The following PTGS1 variants were observed in gnomAD, a reference collection of about 807,000 sequenced individuals.
The protein encoded by PTGS1 is prostaglandin G/H synthase 1.
Under a neutral mutation model 63.0 loss-of-function variants are expected in PTGS1, and 40 were observed. The observed-to-expected ratio is 0.63, with a 90% CI of 0.49 to 0.83. PTGS1 has a LOEUF of 0.83. PTGS1 is among the 40% of genes least tolerant of loss of function. The probability of loss-of-function intolerance (pLI) is 0.00; values close to 1 mark genes in which losing one functional copy is unlikely to be tolerated. For missense variants in PTGS1, 709 were observed against 786.5 expected (o/e 0.90, Z 1.18); for synonymous variants, 298 against 301.9 (o/e 0.99, Z 0.13).
chr9:122,380,414 A>G (rs1400638596), intron 5 of PTGS1, among the ~76,000 whole-genome samples: 3 of 152,086 alleles, frequency 2.0e-5, no homozygotes, highest in Non-Finnish European at 4.4e-5. Flanking sequence ...GTAGTGAGCC[A>G]TAATTGCGGC....
Position 122,392,157 on chromosome 9 carries a change from T to C in PTGS1, c.1445-32T>C. 6 of 1,541,102 alleles carry C rather than the reference T, an allele frequency of 3.9e-6. 1 individual carries two copies. In the Middle Eastern group the frequency reaches 7.0e-4, roughly 179 times the overall value. ...GTTGACCTTAATGGCATCATGGATC[T>C]GATGCTAGCATTTCCCCTTATCTCC... is the stretch of plus-strand genomic sequence containing the variant. On this transcript the variant is annotated intron_variant, in intron 10 of 10. Coordinates refer to ENST00000362012, the MANE Select transcript of PTGS1 (RefSeq NM_000962.4).
At chr9:122,376,417 G>A (rs889804108) in intron 2 of PTGS1, among the ~76,000 whole-genome samples, 4 of 151,202 alleles carry the variant, frequency 2.6e-5, no homozygotes, top group Admixed American at 2.6e-4. Context: ...CGTCTTCGAA[G>A]TGGGGACCAA....
intron 7 of PTGS1, among the ~76,000 whole-genome samples, chr9:122,382,819 C>A (rs1837604234): frequency 6.6e-6 from 1 of 152,180 alleles, no homozygotes; most frequent in Admixed American, 6.5e-5. Context: ...TAGCTGCCAC[C>A]AAGGAGAAGC....
At chr9:122,378,399 G>A in intron 3 of PTGS1, 34 bp from the exon 4 acceptor site, 1 of 1,610,620 alleles carries the variant, frequency 6.2e-7, no homozygotes, top group Non-Finnish European at 8.5e-7. Context: ...TCTGGTAGGA[G>A]GGACCAACTG....
In PTGS1 at chr9:122,381,266, C is replaced by G; in HGVS notation, c.497-105C>G. The stretch of plus-strand genomic sequence containing the variant: ...TGGGGAGGTGGTCCTGAGGAGGCCA[C>G]TCTGGGCTTCCTGCTTGGGCCAGTT... On this transcript the variant is annotated intron_variant, in intron 5 of 10. Coordinates refer to ENST00000362012, the MANE Select transcript of PTGS1 (RefSeq NM_000962.4). 3.9e-6 allele frequency: 5 copies of G among 1,276,368 alleles called. No individual in the cohort carries two copies. The South Asian group carries it at 6.0e-5, about 15-fold the overall frequency. 79.1% of individuals were successfully genotyped at this position (1,276,368 alleles called of 1,614,324 possible).
intron 7 of PTGS1, among the ~76,000 whole-genome samples, chr9:122,383,113 A>G (rs1224657749): frequency 6.6e-6 from 1 of 151,298 alleles, no homozygotes; most frequent in African/African-American, 2.4e-5. Flanking sequence ...AAGGAATTCT[A>G]CTTTCTGCCA....
intron 9 of PTGS1, among the ~76,000 whole-genome samples, chr9:122,388,518 G>A (rs1019899174): frequency 6.6e-6 from 1 of 152,074 alleles, no homozygotes; most frequent in Non-Finnish European, 1.5e-5. Flanking sequence ...TTACATATGC[G>A]GGAACTCAAA....
intron 7 of PTGS1, among the ~76,000 whole-genome samples, chr9:122,382,902 A>T (rs1280772871): frequency 6.6e-6 from 1 of 152,242 alleles, no homozygotes; most frequent in Non-Finnish European, 1.5e-5. Flanking sequence ...CCAGAGTTGC[A>T]TAAAGGATGA....
At chr9:122,381,874 C>A in intron 7 of PTGS1, 127 bp downstream of exon 7, 1 of 951,646 alleles carries the variant, frequency 1.1e-6, no homozygotes, top group Non-Finnish European at 1.6e-6. Context: ...GAAGCTTGTG[C>A]CAGGAGCGAC....
chr9:122,389,460 G>A (rs1838071910), intron 9 of PTGS1, among the ~76,000 whole-genome samples: 1 of 152,172 alleles, frequency 6.6e-6, no homozygotes, highest in Non-Finnish European at 1.5e-5. Context: ...CAGCACCAGA[G>A]CTTTCTTTAG....
chr9:122,376,352 G>A (rs1357575741), intron 2 of PTGS1, among the ~76,000 whole-genome samples: 1 of 138,414 alleles, frequency 7.2e-6, no homozygotes, highest in Non-Finnish European at 1.5e-5. Flanking sequence ...GCTTGTGTGT[G>A]TGTGTGTGTG....
chr9:122,378,343 G>GTA, intron 3 of PTGS1, 90 bp from the exon 4 acceptor site: 1 of 1,563,382 alleles, frequency 6.4e-7, no homozygotes, highest in Non-Finnish European at 8.7e-7. Flanking sequence ...GTTCCACCCT[G>GTA]GCCCTTGTCC....
chr9:122,373,068 G>A (rs762943969), intron 2 of PTGS1, among the ~76,000 whole-genome samples: 1 of 152,182 alleles, frequency 6.6e-6, no homozygotes, highest in Non-Finnish European at 1.5e-5. Flanking sequence ...ATTGAGGGAG[G>A]CTTCTTGGAT....
intron 5 of PTGS1, among the ~76,000 whole-genome samples, chr9:122,380,490 TA>T (rs1334763829): frequency 2.6e-5 from 4 of 151,178 alleles, no homozygotes; most frequent in African/African-American, 9.7e-5. Flanking sequence ...AATAAATAAA[TA>T]AATAAATAAA....
In PTGS1 at chr9:122,394,884, T is replaced by G. The variant is rs569628943; in HGVS notation, c.*2340T>G. Reference sequence around the variant, plus strand: ...CTATTCCAGGAATTCCTCTTTTGCTTAAATCAGTTGGAGTTTGTGTCTGTT... The same window carrying G: ...CTATTCCAGGAATTCCTCTTTTGCTGAAATCAGTTGGAGTTTGTGTCTGTT... On this transcript the variant is annotated 3_prime_UTR_variant, in exon 11 of 11. Transcript: ENST00000362012. 6.6e-6 allele frequency: 1 copy of G among 152,428 alleles called. No homozygotes were observed. Among genetic ancestry groups the G allele is most frequent in the Admixed American group, 6.5e-5 (1 of 15,310 alleles). 9.4% of individuals were successfully genotyped at this position (152,428 alleles called of 1,614,324 possible). A position where few individuals can be genotyped will look rare whatever the true frequency, so the allele number is the denominator to read the frequency against.
At chr9:122,390,004 A>AGG (rs1838107530) in intron 9 of PTGS1, among the ~76,000 whole-genome samples, 194 bp from the exon 10 acceptor site, 2 of 152,156 alleles carry the variant, frequency 1.3e-5, no homozygotes, top group African/African-American at 4.8e-5. Context: ...TGAGACTCAG[A>AGG]GGGGCTTCCT....
Position 122,383,708 on chromosome 9 carries a change from C to T in PTGS1, c.962C>T (p.Thr321Ile), listed in dbSNP as rs780314550. The T allele has an allele frequency of 1.9e-6, 3 of 1,613,670 alleles. No individual in the cohort carries two copies. The highest frequency in any genetic ancestry group is 1.7e-5 in the Admixed American group (1 of 59,992). The change falls in exon 8 of 11, where the codon ACC (threonine) becomes ATC (isoleucine). Residue 321 changes from threonine to isoleucine, a missense_variant. By Grantham distance (89) the Thr-to-Ile change is moderately conservative. Coordinates refer to ENST00000362012, the MANE Select transcript of PTGS1 (RefSeq NM_000962.4). The stretch of plus-strand genomic sequence containing the variant: ...GACCTGCTGAAGGCTGAGCACCCCA[C>T]CTGGGGCGATGAGCAGCTTTTCCAG... ...VCDLLKAEHP[T>I]WGDEQLFQTT...
intron 9 of PTGS1, among the ~76,000 whole-genome samples, 193 bp from the exon 10 acceptor site, chr9:122,390,005 G>A (rs975657357): frequency 6.6e-6 from 1 of 152,110 alleles, no homozygotes; most frequent in African/African-American, 2.4e-5. Flanking sequence ...GAGACTCAGA[G>A]GGGCTTCCTG....
intron 2 of PTGS1, among the ~76,000 whole-genome samples, chr9:122,373,019 G>A (rs1324078182): frequency 2.6e-5 from 4 of 152,130 alleles, no homozygotes; most frequent in African/African-American, 9.7e-5. Flanking sequence ...GGGGTGTGCG[G>A]AGCTCAGGGG....
Sources: allele counts gnomAD v4.1 joint callset (sites outside exome capture counted in the v4.1 genomes callset), GRCh38; gene constraint gnomAD v4.1.1; transcripts MANE v1.5; gene names NCBI Gene and HGNC (gene_info 2026-07-23, HGNC 2026-07-21).